The following UPK3A variants were observed in gnomAD, a reference collection of about 807,000 sequenced individuals.
UPK3A encodes the protein uroplakin-3a.
Under a neutral mutation model 27.6 loss-of-function variants are expected in UPK3A, and 32 were observed. The observed-to-expected ratio is 1.16, with a 90% CI of 0.87 to 1.55. The LOEUF is 1.55. UPK3A is among the 40% of genes most tolerant of loss of function. UPK3A has a pLI of 0.00. For missense variants in UPK3A, 370 were observed against 367.9 expected, an observed-to-expected ratio of 1.01 and a Z score of -0.05; for synonymous variants, 171 against 163.9, an observed-to-expected ratio of 1.04 and a Z score of -0.33.
intron 4 of UPK3A, among the ~76,000 whole-genome samples, chr22:45,292,006 C>A (rs1337738724): frequency 6.6e-6 from 1 of 151,980 alleles, no homozygotes; most frequent in East Asian, 1.9e-4. Context: ...TGGCTCCTCC[C>A]ATCCTCACTC....
intron 1 of UPK3A, 71 bp downstream of exon 1, chr22:45,285,136 C>G: frequency 7.2e-7 from 1 of 1,398,056 alleles, no homozygotes; most frequent in East Asian, 2.6e-5. Flanking sequence ...GCGCCCGCCG[C>G]CTGGACCCTG....
chr22:45,286,584 C>G (rs2084119645), intron 2 of UPK3A, among the ~76,000 whole-genome samples: 1 of 152,190 alleles, frequency 6.6e-6, no homozygotes, highest in Admixed American at 6.5e-5. Context: ...TGGAGGGGAT[C>G]CTGAGCTTCT....
intron 4 of UPK3A, among the ~76,000 whole-genome samples, chr22:45,289,625 G>A (rs1316747391): frequency 4.0e-5 from 6 of 150,300 alleles, no homozygotes; most frequent in South Asian, 2.1e-4. Flanking sequence ...GTGGTGGCAC[G>A]TGCCTGTAAT....
intron 5 of UPK3A, among the ~76,000 whole-genome samples, chr22:45,294,957 C>T (rs897043503): frequency 6.6e-6 from 1 of 151,614 alleles, no homozygotes; most frequent in Admixed American, 6.6e-5. Flanking sequence ...CCTCCGCCTC[C>T]CAGGTTCAAG....
intron 4 of UPK3A, 34 bp downstream of exon 4, chr22:45,289,177 AG>A: frequency 1.2e-6 from 2 of 1,609,506 alleles, no homozygotes; most frequent in Non-Finnish European, 1.7e-6. Flanking sequence ...GTGATGCTCA[AG>A]GGGACCCGAG....
rs775339594 is a variant in UPK3A, at chr22:45,289,071, G to A, written c.499G>A (p.Val167Ile). ...TCCGTCTCCTTCCAGGTTCAAGTATGTCCTGGTCAATATGTCCACGGGCTT... is the reference window on the plus strand; with the variant it reads ...TCCGTCTCCTTCCAGGTTCAAGTATATCCTGGTCAATATGTCCACGGGCTT... ...SAATEYRFKY[V>I]LVNMSTGLVE... The change falls in exon 4 of 6, where the codon GTC (valine) becomes ATC (isoleucine). Residue 167 changes from valine (V) to isoleucine (I), a missense_variant. Transcript: ENST00000216211. 3.7e-6 allele frequency: 6 copies of A among 1,613,886 alleles called. No individual in the cohort carries two copies. In the South Asian group the frequency reaches 5.5e-5, roughly 15 times the overall value.
At chr22:45,294,294 A>G (rs983386936) in intron 5 of UPK3A, among the ~76,000 whole-genome samples, 13 of 152,222 alleles carry the variant, frequency 8.5e-5, no homozygotes, top group Non-Finnish European at 1.9e-4. Context: ...GCCAGGCAGG[A>G]AAAGATAGGT....
At chr22:45,288,690 G>A (rs1010123470) in intron 3 of UPK3A, among the ~76,000 whole-genome samples, 3 of 152,192 alleles carry the variant, frequency 2.0e-5, no homozygotes, top group East Asian at 1.9e-4. Context: ...TTGGAGTCAC[G>A]GAAGGCAGAA....
chr22:45,293,234 A>T lies in UPK3A; in HGVS notation c.625A>T (p.Ile209Phe). The change falls in exon 5 of 6, where the codon ATC becomes TTC. Residue 209 changes from isoleucine to phenylalanine, a missense_variant. Transcript: ENST00000216211. The stretch of plus-strand genomic sequence containing the variant: ...GCCAGGCCGGCGGAGCGGAGGCATG[A>T]TCGTCATCACTTCCATCCTGGGCTC... ...TWPGRRSGGM[I>F]VITSILGSLP... The T allele has an allele frequency of 6.2e-7, 1 of 1,614,146 alleles. No homozygotes were observed. The highest frequency in any genetic ancestry group is 8.5e-7 in the Non-Finnish European group (1 of 1,180,040).
intron 1 of UPK3A, 53 bp from the exon 2 acceptor site, chr22:45,285,888 G>A (rs1368527763): frequency 6.2e-7 from 1 of 1,611,194 alleles, no homozygotes; most frequent in African/African-American, 1.3e-5. Context: ...CAAGCAGAGT[G>A]GGTGTGGACA....
chr22:45,287,390 CTG>C lies in UPK3A; in HGVS notation c.430_431del (p.Trp144GlyfsTer9). 1 of 1,612,604 alleles carries C rather than the reference CTG, an allele frequency of 6.2e-7. No individual in the cohort carries two copies. Among genetic ancestry groups the C allele is most frequent in the Non-Finnish European group, 8.5e-7 (1 of 1,179,392 alleles). On this transcript the variant is annotated frameshift_variant, in exon 3 of 6. Coordinates refer to ENST00000216211, the MANE Select transcript of UPK3A (RefSeq NM_006953.4). LOFTEE classifies it high-confidence loss of function. ...CAGGGTGGGTGCCAACGGGACCTGC[CTG>C]TGGGATCCCAACTTCCAGGGCCTCT... The part of the protein sequence containing the change: ...LVRVGANGTC[L>X]WDPNFQGLCN...
At chr22:45,294,267 T>C (rs1236108842) in intron 5 of UPK3A, among the ~76,000 whole-genome samples, 3 of 151,964 alleles carry the variant, frequency 2.0e-5, no homozygotes, top group Non-Finnish European at 4.4e-5. Flanking sequence ...TATAGTTAAG[T>C]GGATCCATGG....
intron 2 of UPK3A, 107 bp downstream of exon 2, chr22:45,286,203 A>C (rs2084117126): frequency 4.2e-6 from 6 of 1,445,186 alleles, no homozygotes; most frequent in Non-Finnish European, 5.7e-6. Context: ...TAGTCGTCTC[A>C]TTAAACAGGT....
At chr22:45,293,590 G>A (rs1463163377) in intron 5 of UPK3A, among the ~76,000 whole-genome samples, 2 of 152,152 alleles carry the variant, frequency 1.3e-5, no homozygotes, top group Admixed American at 6.6e-5. Flanking sequence ...CTCTGACACT[G>A]AAGAGTTATG....
chr22:45,287,251 G>C lies in UPK3A; in HGVS notation c.288G>C (p.Arg96Ser). ...CGTTCCTACAAACAGAGGGTGGGAGGACAGGTCCCTACAAAGCTGTGGCCT... is the reference window on the plus strand; with the variant it reads ...CGTTCCTACAAACAGAGGGTGGGAGCACAGGTCCCTACAAAGCTGTGGCCT... ...GSTFLQTEGG[R>S]TGPYKAVAFD... Residue 96 changes from arginine to serine, a missense_variant, in exon 3 of 6, where the codon AGG becomes AGC. Coordinates refer to ENST00000216211, the MANE Select transcript of UPK3A (RefSeq NM_006953.4). The C allele has an allele frequency of 1.2e-6, 2 of 1,614,200 alleles. No individual in the cohort carries two copies. Among genetic ancestry groups the C allele is most frequent in the African/African-American group, 2.7e-5 (2 of 75,036 alleles).
chr22:45,294,860 G>A (rs1029006069), intron 5 of UPK3A, among the ~76,000 whole-genome samples: 1 of 148,672 alleles, frequency 6.7e-6, no homozygotes, highest in African/African-American at 2.5e-5. Flanking sequence ...ACACTTGGAT[G>A]CCTTTCTCTT....
intron 3 of UPK3A, among the ~76,000 whole-genome samples, 178 bp from the exon 4 acceptor site, chr22:45,288,883 C>G (rs1380951119): frequency 1.3e-5 from 2 of 152,086 alleles, no homozygotes; most frequent in Admixed American, 6.6e-5. Flanking sequence ...TCCTATTGGC[C>G]AAGCTCAGCA....
At chr22:45,293,070 G>A (rs1601850411) in intron 4 of UPK3A, 111 bp from the exon 5 acceptor site, 1 of 1,526,030 alleles carries the variant, frequency 6.6e-7, no homozygotes, top group South Asian at 1.2e-5. Context: ...GGGTCCCAGG[G>A]TCATCCCTGG....
At position 45,293,168 on chromosome 22, in the gene UPK3A, C is replaced by T. The variant is rs764084934; in HGVS notation, c.572-13C>T. On this transcript the variant is annotated splice_polypyrimidine_tract_variant and intron_variant, in intron 4 of 5. Transcript: ENST00000216211. ...CGGTGTCTGGGAAGTAACCGGGCTG[C>T]ATCCCACCACAGTCACCCCATACTC... The T allele has an allele frequency of 2.5e-6, 4 of 1,613,314 alleles. No individual in the cohort carries two copies. The highest frequency in any genetic ancestry group is 3.4e-6 in the Non-Finnish European group (4 of 1,180,018).
Sources: gnomAD v4.1 joint callset for allele counts (sites outside exome capture counted in the v4.1 genomes callset) on GRCh38, gnomAD v4.1.1 for gene constraint, MANE v1.5 for transcripts, NCBI Gene and HGNC (gene_info 2026-07-23, HGNC 2026-07-21) for gene names.